SACM1L: variants seen among roughly 807,000 people sequenced by gnomAD.
SACM1L encodes SAC1 like phosphatidylinositide phosphatase, also known as phosphatidylinositol-3-phosphatase SAC1.
In SACM1L, 32 loss-of-function variants were observed where a neutral mutation model predicts 89.5. The ratio of observed to expected loss-of-function variants is 0.36; its 90% confidence interval spans 0.27 to 0.48. The LOEUF is 0.48. SACM1L is among the 20% of genes least tolerant of loss of function. The probability of loss-of-function intolerance (pLI) is 0.99; values close to 1 mark genes in which losing one functional copy is unlikely to be tolerated. For synonymous variants in SACM1L, 213 were observed against 232.8 expected (o/e 0.92, Z 0.77); for missense variants, 543 against 708.5 (o/e 0.77, Z 2.65).
intron 11 of SACM1L, among the ~76,000 whole-genome samples, chr3:45,726,079 A>G (rs902019426): frequency 2.6e-5 from 4 of 152,104 alleles, no homozygotes; most frequent in African/African-American, 9.7e-5. Flanking sequence ...CTTTTTAAAT[A>G]TGCTGCAGAA....
intron 1 of SACM1L, among the ~76,000 whole-genome samples, chr3:45,699,675 C>T (rs1575385814): frequency 6.6e-6 from 1 of 152,072 alleles, no homozygotes; most frequent in Non-Finnish European, 1.5e-5. Context: ...GCATGCGCCA[C>T]CACACCTGGC....
At chr3:45,730,501 A>G (rs931700986) in intron 11 of SACM1L, 1 of 152,244 alleles carries the variant, frequency 6.6e-6, no homozygotes, top group African/African-American at 2.4e-5. Context: ...TAACAAAAAA[A>G]GAAAGCAAAA....
At chr3:45,728,132 AC>A (rs1307771384) in intron 11 of SACM1L, among the ~76,000 whole-genome samples, 1 of 152,108 alleles carries the variant, frequency 6.6e-6, no homozygotes, top group Non-Finnish European at 1.5e-5. Context: ...TACTATTTGC[AC>A]AAAATATCTT....
At chr3:45,707,992 T>A (rs1468924680) in intron 4 of SACM1L, among the ~76,000 whole-genome samples, 1 of 152,194 alleles carries the variant, frequency 6.6e-6, no homozygotes, top group East Asian at 1.9e-4. Context: ...TTTATGCTTA[T>A]AATTTACTAT....
At chr3:45,689,585 A>G in intron 1 of SACM1L, 88 bp downstream of exon 1, 1 of 1,432,368 alleles carries the variant, frequency 7.0e-7, no homozygotes, top group South Asian at 1.2e-5. Context: ...TGAGTCCCGG[A>G]TTGCAGATAG....
intron 19 of SACM1L, chr3:45,739,933 C>T (rs1699281541): frequency 4.7e-6 from 2 of 425,662 alleles, no homozygotes; most frequent in South Asian, 5.9e-5. Flanking sequence ...GCTTAATTTG[C>T]CAAGGTTGAG....
At chr3:45,735,507 T>C in intron 14 of SACM1L, 134 bp downstream of exon 14, 1 of 830,470 alleles carries the variant, frequency 1.2e-6, no homozygotes, top group Non-Finnish European at 1.7e-6. Context: ...GTCTTGCCCA[T>C]GGATGTCACA....
rs765178096 is a variant in SACM1L, at chr3:45,738,850, C to G, written c.1546C>G (p.Pro516Ala). The change falls in exon 18 of 20, where the codon CCA becomes GCA. Residue 516 changes from proline to alanine, a missense_variant. Pro to Ala is a conservative substitution (Grantham distance 27). Coordinates refer to ENST00000389061, the MANE Select transcript of SACM1L (RefSeq NM_014016.5). The part of the protein sequence containing the change: ...ELESHSPLSV[P>A]RDWKFLALPI... ...AGAATCTCATAGTCCTTTAAGTGTTCCAAGGGACTGGAAATTCCTGGCTGT... is the reference window on the plus strand; with the variant it reads ...AGAATCTCATAGTCCTTTAAGTGTTGCAAGGGACTGGAAATTCCTGGCTGT... 1.3e-5 allele frequency: 21 copies of G among 1,607,498 alleles called. No homozygotes were observed. Among genetic ancestry groups the G allele is most frequent in the East Asian group, 2.2e-5 (1 of 44,780 alleles).
intron 1 of SACM1L, among the ~76,000 whole-genome samples, chr3:45,696,842 G>GA (rs2125681386): frequency 6.6e-6 from 1 of 152,144 alleles, no homozygotes; most frequent in African/African-American, 2.4e-5. Context: ...TGCCAACACT[G>GA]AAAGAAAATA....
At chr3:45,731,037 G>A (rs1206639856) in intron 11 of SACM1L, among the ~76,000 whole-genome samples, 1 of 152,198 alleles carries the variant, frequency 6.6e-6, no homozygotes, top group Non-Finnish European at 1.5e-5. Context: ...AGGAGGGGCT[G>A]GGTCAAGGAC....
chr3:45,744,642 G>A lies in SACM1L; in HGVS notation c.*973G>A, dbSNP rs1699387154. 6.6e-6 allele frequency: 1 copy of A among 152,612 alleles called. No individual in the cohort carries two copies. The highest frequency in any genetic ancestry group is 1.5e-5 in the Non-Finnish European group (1 of 68,038). 9.5% of individuals were successfully genotyped at this position (152,612 alleles called of 1,614,324 possible). ...GATTTTGTTGGCTATCAATGAATGT[G>A]TCTAAAACTTAGTGCTTCCAGGTAG... On this transcript the variant is annotated 3_prime_UTR_variant, in exon 20 of 20. Transcript: ENST00000389061.
intron 19 of SACM1L, among the ~76,000 whole-genome samples, chr3:45,741,263 C>T (rs1180670205): frequency 6.6e-6 from 1 of 152,226 alleles, no homozygotes; most frequent in African/African-American, 2.4e-5. Context: ...CAGAAGTCTT[C>T]ACCTTCTGTC....
At chr3:45,741,991 C>T (rs1025961497) in intron 19 of SACM1L, among the ~76,000 whole-genome samples, 1 of 152,172 alleles carries the variant, frequency 6.6e-6, no homozygotes, top group Non-Finnish European at 1.5e-5. Flanking sequence ...TTCCTGAAAA[C>T]ACTGCCCAGC....
chr3:45,689,524 G>A, intron 1 of SACM1L, 27 bp downstream of exon 1: 1 of 1,560,212 alleles, frequency 6.4e-7, no homozygotes, highest in Non-Finnish European at 8.7e-7. Flanking sequence ...AGAGGCCTGA[G>A]GCGCGGCGGG....
At chr3:45,736,755 A>G (rs1358862374) in intron 14 of SACM1L, among the ~76,000 whole-genome samples, 2 of 152,226 alleles carry the variant, frequency 1.3e-5, no homozygotes, top group East Asian at 3.9e-4. Context: ...TAGTATTATG[A>G]AACCTAACCA....
At chr3:45,719,379 A>G (rs1162436273) in intron 7 of SACM1L, 121 bp from the exon 8 acceptor site, 24 of 544,456 alleles carry the variant, frequency 4.4e-5, no homozygotes, top group Non-Finnish European at 7.3e-5. Flanking sequence ...ATTCATGAAG[A>G]TTTGTATACT....
At chr3:45,721,333 C>T (rs1428900047) in intron 8 of SACM1L, among the ~76,000 whole-genome samples, 1 of 152,194 alleles carries the variant, frequency 6.6e-6, no homozygotes, top group Non-Finnish European at 1.5e-5. Flanking sequence ...ACCAGCCTGA[C>T]CAACATGGAG....
At position 45,737,570 on chromosome 3, in the gene SACM1L, T is replaced by C; in HGVS notation, c.1240-13T>C. On this transcript the variant is annotated splice_polypyrimidine_tract_variant and intron_variant, in intron 14 of 19. Transcript: ENST00000389061. ...CTATTACACATAAATCTGGGTGTGG[T>C]TTTTTATTCCAGAGACTAGGAGTTT... is the stretch of plus-strand genomic sequence containing the variant. 6.3e-7 allele frequency: 1 copy of C among 1,590,858 alleles called. No homozygotes were observed. The highest frequency in any genetic ancestry group is 8.5e-7 in the Non-Finnish European group (1 of 1,173,938).
intron 1 of SACM1L, among the ~76,000 whole-genome samples, chr3:45,693,832 T>A (rs891365018): frequency 6.6e-6 from 1 of 152,374 alleles, no homozygotes; most frequent in Admixed American, 6.5e-5. Context: ...AAATTCATAC[T>A]TTTTAAACTT....
Sources: allele counts gnomAD v4.1 joint callset (sites outside exome capture counted in the v4.1 genomes callset), GRCh38; gene constraint gnomAD v4.1.1; transcripts MANE v1.5; gene names NCBI Gene and HGNC (gene_info 2026-07-23, HGNC 2026-07-21).